Variants in SLC24A2 observed in about 807,000 individuals in gnomAD.
The protein encoded by SLC24A2 is solute carrier family 24 member 2.
Under a neutral mutation model 62.0 loss-of-function variants are expected in SLC24A2, and 36 were observed. The observed-to-expected ratio is 0.58, with a 90% CI of 0.44 to 0.77. SLC24A2 has a LOEUF of 0.77. SLC24A2 is among the 30% of genes least tolerant of loss of function. The probability of loss-of-function intolerance (pLI) is 0.00; values close to 1 mark genes in which losing one functional copy is unlikely to be tolerated. For synonymous variants in SLC24A2, 358 were observed against 294.0 expected (o/e 1.22, Z -2.23); for missense variants, 846 against 817.9 (o/e 1.03, Z -0.42).
chr9:19,758,500 T>C (rs566979060), intron 2 of SLC24A2, among the ~76,000 whole-genome samples: 2 of 152,190 alleles, frequency 1.3e-5, no homozygotes, highest in African/African-American at 4.8e-5. Flanking sequence ...TTCTGAACTT[T>C]CCTTATTTAT....
At chr9:20,270,246 G>T in the SLC24A2 span, among the ~76,000 whole-genome samples, 1 of 152,104 alleles carries the variant, frequency 6.6e-6, no homozygotes, top group Non-Finnish European at 1.5e-5. Context: ...CCACACTGGG[G>T]AATCAAATTT....
At chr9:19,944,151 T>G in the SLC24A2 span, among the ~76,000 whole-genome samples, 1 of 152,094 alleles carries the variant, frequency 6.6e-6, no homozygotes, top group African/African-American at 2.4e-5. Context: ...AACTAACGTT[T>G]GGGTACAATG....
intron 2 of SLC24A2, among the ~76,000 whole-genome samples, chr9:19,721,808 T>C (rs945513051): frequency 1.3e-5 from 2 of 152,178 alleles, no homozygotes; most frequent in Non-Finnish European, 2.9e-5. Context: ...ATATAAACTT[T>C]ATTTCCTTTG....
chr9:20,071,253 T>C, the SLC24A2 span, among the ~76,000 whole-genome samples: 4 of 152,092 alleles, frequency 2.6e-5, no homozygotes, highest in Non-Finnish European at 5.9e-5. Flanking sequence ...CAGTGTGGGA[T>C]GGAATAATGG....
At chr9:19,797,284 C>T in the SLC24A2 span, among the ~76,000 whole-genome samples, 1 of 152,132 alleles carries the variant, frequency 6.6e-6, no homozygotes, top group Admixed American at 6.6e-5. Context: ...CGATAAGTAT[C>T]TTTGAATTAA....
At chr9:19,612,436 T>C (rs1436282273) in intron 4 of SLC24A2, among the ~76,000 whole-genome samples, 1 of 152,186 alleles carries the variant, frequency 6.6e-6, no homozygotes, top group Non-Finnish European at 1.5e-5. Context: ...TGCCTTAGCC[T>C]CCAGAGTAGC....
In SLC24A2 at chr9:19,761,808, A is replaced by T. The variant is rs1210617033; in HGVS notation, c.930+24129T>A. Among the ~76,000 whole-genome samples, 7 of 152,316 alleles carry T rather than the reference A, an allele frequency of 4.6e-5. No individual in the cohort carries two copies. The East Asian group carries it at 1.3e-3, about 29-fold the overall frequency. On this transcript the variant is annotated intron_variant, in intron 2 of 10. Coordinates refer to ENST00000341998, the MANE Select transcript of SLC24A2 (RefSeq NM_020344.4). ...CATCCACGTCCCTACAAAGGAGATG[A>T]ACTCATCATTTTTTATGGCTGCATA...
At chr9:19,639,650 T>C (rs1289697458) in intron 2 of SLC24A2, among the ~76,000 whole-genome samples, 11 of 152,254 alleles carry the variant, frequency 7.2e-5, no homozygotes, top group Admixed American at 7.2e-4. Flanking sequence ...GTCACTTTAG[T>C]AATATCTGGA....
At chr9:20,255,411 G>A in the SLC24A2 span, among the ~76,000 whole-genome samples, 175 of 152,298 alleles carry the variant, frequency 1.1e-3, no homozygotes, top group African/African-American at 3.9e-3. Flanking sequence ...CCAAGTTAGC[G>A]GCTTAAAACA....
intron 9 of SLC24A2, among the ~76,000 whole-genome samples, chr9:19,523,259 TGG>T: frequency 6.6e-6 from 1 of 152,308 alleles, no homozygotes; most frequent in East Asian, 1.9e-4. Flanking sequence ...AGCACTGGCT[TGG>T]GAGATGACAG....
At chr9:19,884,868 G>A in the SLC24A2 span, among the ~76,000 whole-genome samples, 4 of 152,290 alleles carry the variant, frequency 2.6e-5, no homozygotes, top group East Asian at 1.9e-4. Context: ...AAGCTATGAC[G>A]TTCAGTAGGT....
the SLC24A2 span, among the ~76,000 whole-genome samples, chr9:19,804,040 G>A: frequency 6.6e-6 from 1 of 152,130 alleles, no homozygotes; most frequent in Non-Finnish European, 1.5e-5. Context: ...CGATGTTGTG[G>A]AAAAATAGTG....
At chr9:20,025,592 C>G in the SLC24A2 span, among the ~76,000 whole-genome samples, 1 of 152,114 alleles carries the variant, frequency 6.6e-6, no homozygotes, top group Non-Finnish European at 1.5e-5. Context: ...TTACCACGTA[C>G]CAGCTATCTC....
rs1216697563 is a variant in SLC24A2, at chr9:19,516,142, G to A, written c.*11C>T. The A allele has an allele frequency of 6.2e-7, 1 of 1,613,896 alleles. No homozygotes were observed. Among genetic ancestry groups the A allele is most frequent in the Non-Finnish European group, 8.5e-7 (1 of 1,179,984 alleles). ...CATTCATGCTGCTGGTGCAAGATATGGCTTTTCCTGCTAGATGGAGACGGG... is the reference window on the plus strand; with the variant it reads ...CATTCATGCTGCTGGTGCAAGATATAGCTTTTCCTGCTAGATGGAGACGGG... On this transcript the variant is annotated 3_prime_UTR_variant, in exon 11 of 11. Transcript: ENST00000341998.
chr9:20,060,164 A>C, the SLC24A2 span, among the ~76,000 whole-genome samples: 1 of 152,122 alleles, frequency 6.6e-6, no homozygotes, highest in South Asian at 2.1e-4. Flanking sequence ...TAATAAAAAA[A>C]AATCCACTTA....
chr9:19,976,095 G>A, the SLC24A2 span, among the ~76,000 whole-genome samples: 2 of 152,108 alleles, frequency 1.3e-5, no homozygotes, highest in African/African-American at 4.8e-5. Context: ...TGTTGCCCAG[G>A]CTGGTCTTGA....
the SLC24A2 span, among the ~76,000 whole-genome samples, chr9:20,022,376 G>C: frequency 6.6e-6 from 1 of 152,194 alleles, no homozygotes; most frequent in Non-Finnish European, 1.5e-5. Context: ...TTGGGGGTAA[G>C]TACATTACTA....
the SLC24A2 span, among the ~76,000 whole-genome samples, chr9:19,915,796 T>C: frequency 6.6e-6 from 1 of 152,100 alleles, no homozygotes; most frequent in Non-Finnish European, 1.5e-5. Context: ...ACCTTATTCT[T>C]GAGTTTTGTG....
At chr9:20,038,628 C>CAAAA in the SLC24A2 span, among the ~76,000 whole-genome samples, 2 of 32,394 alleles carry the variant, frequency 6.2e-5, no homozygotes, top group African/African-American at 1.2e-4. Context: ...GTAAAAGAAA[C>CAAAA]AAACAAAAAA....
Sources: gnomAD v4.1 joint callset for allele counts (sites outside exome capture counted in the v4.1 genomes callset) on GRCh38, gnomAD v4.1.1 for gene constraint, MANE v1.5 for transcripts, NCBI Gene and HGNC (gene_info 2026-07-23, HGNC 2026-07-21) for gene names.